The following GABRB2 variants were observed in gnomAD, a reference collection of about 807,000 sequenced individuals.
GABRB2 encodes gamma-aminobutyric acid receptor subunit beta-2.
Under a neutral mutation model 54.7 loss-of-function variants are expected in GABRB2, and 16 were observed. That is an observed-to-expected ratio of 0.29 (90% CI 0.20 to 0.44). The LOEUF (loss-of-function observed/expected upper bound fraction) is 0.44, where lower values mean the gene tolerates loss of function less well. Among genes scored for constraint, GABRB2 ranks in the 20% least tolerant of loss-of-function variants. GABRB2 has a pLI of 1.00. For synonymous variants in GABRB2, 244 were observed against 233.8 expected (o/e 1.04, Z -0.40); for missense variants, 355 against 644.0 (o/e 0.55, Z 4.86).
In GABRB2 at chr5:161,331,119, TTGTGATTCC is replaced by T; in HGVS notation, c.833-1_840del. On this transcript the variant is annotated splice_acceptor_variant and coding_sequence_variant, in exon 8 of 10. Coordinates refer to ENST00000393959, the MANE Select transcript of GABRB2 (RefSeq NM_001371727.1). LOFTEE classifies it high-confidence loss of function. ...TTGATTGTGGTCATTGTGAGGACAG[TTGTGATTCC>T]TGAAAAAAAATGGGAGAGTTAGAGT... 1 of 1,551,408 alleles carries T rather than the reference TTGTGATTCC, an allele frequency of 6.4e-7. No individual in the cohort carries two copies. Among genetic ancestry groups the T allele is most frequent in the Admixed American group, 2.0e-5 (1 of 49,464 alleles).
At chr5:161,452,113 T>G (rs968525472) in intron 4 of GABRB2, among the ~76,000 whole-genome samples, 1 of 152,194 alleles carries the variant, frequency 6.6e-6, no homozygotes, top group African/African-American at 2.4e-5. Flanking sequence ...CACAAAAACA[T>G]GTCATCAATT....
chr5:161,479,156 C>G lies in GABRB2; in HGVS notation c.238-19312G>C, dbSNP rs560940472. 2.0e-5 allele frequency among the ~76,000 whole-genome samples: 3 copies of G among 152,136 alleles called. No individual in the cohort carries two copies. The East Asian group carries it at 5.8e-4, about 30-fold the overall frequency. ...GATGAAACATAAATGCATATGACTA[C>G]TTTTAGATGCAAAGACAATGTTTTT... On this transcript the variant is annotated intron_variant, in intron 3 of 9. Transcript: ENST00000393959.
At chr5:161,400,487 G>T (rs561826829) in intron 5 of GABRB2, among the ~76,000 whole-genome samples, 8 of 152,132 alleles carry the variant, frequency 5.3e-5, no homozygotes, top group African/African-American at 1.9e-4. Context: ...ATGTTGTGAA[G>T]TCCTAAACTG....
At chr5:161,547,678 G>C (rs1229547274), upstream of GABRB2, among the ~76,000 whole-genome samples, 1 of 152,162 alleles carries the variant, frequency 6.6e-6, no homozygotes, top group South Asian at 2.1e-4. Flanking sequence ...GCATGAGGGG[G>C]AGATGGGACG....
intron 8 of GABRB2, 136 bp from the exon 9 acceptor site, chr5:161,326,617 G>A: frequency 9.3e-7 from 1 of 1,076,564 alleles, no homozygotes; most frequent in East Asian, 2.9e-5. Flanking sequence ...AACAGAGAAT[G>A]GGAATTTGAG....
chr5:161,347,424 C>T (rs1376622949), intron 5 of GABRB2, among the ~76,000 whole-genome samples: 1 of 152,078 alleles, frequency 6.6e-6, no homozygotes, highest in Non-Finnish European at 1.5e-5. Context: ...TAATTATGTA[C>T]ACTCTACTTT....
intron 3 of GABRB2, among the ~76,000 whole-genome samples, chr5:161,515,802 C>T (rs1281557313): frequency 2.6e-5 from 4 of 151,996 alleles, no homozygotes; most frequent in Non-Finnish European, 5.9e-5. Flanking sequence ...AGTAAGAAAA[C>T]ATGCTCAATT....
chr5:161,347,103 G>A (rs181896154), intron 5 of GABRB2, among the ~76,000 whole-genome samples: 43 of 152,188 alleles, frequency 2.8e-4, no homozygotes, highest in African/African-American at 1.0e-3. Flanking sequence ...TTGATCTAGA[G>A]CATGAGCTTT....
At chr5:161,455,939 A>G (rs181272888) in intron 4 of GABRB2, among the ~76,000 whole-genome samples, 3 of 152,306 alleles carry the variant, frequency 2.0e-5, no homozygotes, top group Admixed American at 6.5e-5. Flanking sequence ...TTCTTTCTCT[A>G]TCTTTATTAT....
chr5:161,535,102 A>G (rs934187330), intron 3 of GABRB2, among the ~76,000 whole-genome samples: 27 of 152,324 alleles, frequency 1.8e-4, no homozygotes, highest in Admixed American at 3.3e-4. Flanking sequence ...TAGGAAAATT[A>G]TTAGACAAGT....
At chr5:161,348,547 G>A (rs1472728561) in intron 5 of GABRB2, among the ~76,000 whole-genome samples, 1 of 152,048 alleles carries the variant, frequency 6.6e-6, no homozygotes, top group African/African-American at 2.4e-5. Context: ...TGAAGAAAGT[G>A]TTGACCTCAA....
rs776727409 is a variant in GABRB2, at chr5:161,459,647, A to G, written c.435T>C (p.Asp145=). The change falls in exon 4 of 10, where the codon GAT becomes GAC. Residue 145 remains aspartate (D), a synonymous_variant. Transcript: ENST00000393959. The part of the protein sequence containing the change: ...VKNRMIRLHP[D]GTVLYGLRIT... ...ACCTGAGTCCATAAAGGACGGTGCC[A>G]TCAGGATGCAGGCGAATCATGCGGT... The G allele has an allele frequency of 6.2e-7, 1 of 1,614,174 alleles. No homozygotes were observed. The highest frequency in any genetic ancestry group is 1.7e-5 in the Admixed American group (1 of 60,028).
intron 7 of GABRB2, among the ~76,000 whole-genome samples, chr5:161,333,997 T>A (rs1753922714): frequency 6.6e-6 from 1 of 152,350 alleles, no homozygotes; most frequent in African/African-American, 2.4e-5. Context: ...CAGTGCTTAG[T>A]ACAATTAGCA....
intron 3 of GABRB2, among the ~76,000 whole-genome samples, chr5:161,498,547 T>A (rs1759326862): frequency 6.6e-6 from 1 of 152,150 alleles, no homozygotes. Context: ...GCATTCATCA[T>A]TTTCTTCAAT....
At chr5:161,428,030 T>C (rs1757055361) in intron 4 of GABRB2, among the ~76,000 whole-genome samples, 1 of 151,890 alleles carries the variant, frequency 6.6e-6, no homozygotes, top group South Asian at 2.1e-4. Context: ...TCATCCCCTC[T>C]CCCCCTGCCC....
chr5:161,396,455 T>G (rs555140310), intron 5 of GABRB2, among the ~76,000 whole-genome samples: 10 of 152,222 alleles, frequency 6.6e-5, no homozygotes, highest in Non-Finnish European at 1.5e-4. Flanking sequence ...GAGAGGTTGT[T>G]AAAACGAGAA....
At chr5:161,355,245 C>T (rs1373352864) in intron 5 of GABRB2, among the ~76,000 whole-genome samples, 1 of 149,920 alleles carries the variant, frequency 6.7e-6, no homozygotes, top group Non-Finnish European at 1.5e-5. Context: ...TCCTAGAGGG[C>T]AAAAATGTGT....
intron 9 of GABRB2, among the ~76,000 whole-genome samples, chr5:161,312,023 T>C (rs1449809280): frequency 6.6e-6 from 1 of 151,354 alleles, no homozygotes; most frequent in East Asian, 1.9e-4. Context: ...ATGTTTTGTG[T>C]GTGTGTGTGT....
intron 7 of GABRB2, among the ~76,000 whole-genome samples, chr5:161,331,588 G>A (rs929216789): frequency 6.6e-6 from 1 of 152,108 alleles, no homozygotes; most frequent in East Asian, 1.9e-4. Context: ...GGGACTGCTG[G>A]TGGAGAGAGC....
Sources: gnomAD v4.1 joint callset for allele counts (sites outside exome capture counted in the v4.1 genomes callset) on GRCh38, gnomAD v4.1.1 for gene constraint, MANE v1.5 for transcripts, NCBI Gene and HGNC (gene_info 2026-07-23, HGNC 2026-07-21) for gene names.